The following RANBP2 variants were observed in gnomAD, a reference collection of about 807,000 sequenced individuals.
The protein encoded by RANBP2 is E3 SUMO-protein ligase RanBP2.
A neutral mutation model predicts 303.6 loss-of-function variants in RANBP2; 57 were observed. That is an observed-to-expected ratio of 0.19 (90% CI 0.15 to 0.23). RANBP2 has a LOEUF of 0.23. RANBP2 is among the 10% of genes least tolerant of loss of function. The probability of loss-of-function intolerance (pLI) is 1.00; values close to 1 mark genes in which losing one functional copy is unlikely to be tolerated. For synonymous variants in RANBP2, 1,167 were observed against 1,301.5 expected (o/e 0.90, Z 2.23); for missense variants, 3,138 against 3,780.8 (o/e 0.83, Z 4.46).
At chr2:109,134,103 C>T in the RANBP2 span, among the ~76,000 whole-genome samples, 3 of 152,338 alleles carry the variant, frequency 2.0e-5, no homozygotes, top group East Asian at 5.8e-4. Context: ...GTGCCTGCTG[C>T]ATGCTGGGCA....
At chr2:109,737,208 G>A in the RANBP2 span, 2 of 796,516 alleles carry the variant, frequency 2.5e-6, no homozygotes, top group Non-Finnish European at 4.1e-6. Context: ...TCTCTTTGCT[G>A]TTAGCAACTA....
chr2:109,188,537 C>T, the RANBP2 span, among the ~76,000 whole-genome samples: 5 of 152,320 alleles, frequency 3.3e-5, no homozygotes, highest in South Asian at 6.2e-4. Flanking sequence ...TTCAGAGAAG[C>T]GGCATCCCCC....
At chr2:108,999,150 T>C in the RANBP2 span, among the ~76,000 whole-genome samples, 1 of 152,220 alleles carries the variant, frequency 6.6e-6, no homozygotes, top group African/African-American at 2.4e-5. Context: ...CAAGCTGCAT[T>C]CTCCTGGCTT....
At chr2:109,117,443 G>A in the RANBP2 span, among the ~76,000 whole-genome samples, 12 of 152,244 alleles carry the variant, frequency 7.9e-5, no homozygotes, top group Non-Finnish European at 1.5e-4. Context: ...CGAGCTAGGT[G>A]CAGGATATAA....
the RANBP2 span, among the ~76,000 whole-genome samples, chr2:109,348,954 C>T: frequency 1.3e-5 from 2 of 152,144 alleles, no homozygotes; most frequent in African/African-American, 4.8e-5. Flanking sequence ...TTTTAGATGC[C>T]CAGAAGTTGT....
At chr2:108,917,689 G>A in the RANBP2 span, among the ~76,000 whole-genome samples, 1 of 152,120 alleles carries the variant, frequency 6.6e-6, no homozygotes, top group Non-Finnish European at 1.5e-5. Context: ...ATCCCTGGCT[G>A]CAGGGCTGAC....
chr2:109,364,170 T>G, the RANBP2 span, among the ~76,000 whole-genome samples: 2 of 152,078 alleles, frequency 1.3e-5, no homozygotes, highest in Non-Finnish European at 2.9e-5. Flanking sequence ...TTTTTTTTTT[T>G]TCTAATTTTT....
In RANBP2 at chr2:108,722,473, A is replaced by C. The variant is rs949885749; in HGVS notation, c.72+2795A>C. On this transcript the variant is annotated intron_variant, in intron 1 of 28. Coordinates refer to ENST00000283195, the MANE Select transcript of RANBP2 (RefSeq NM_006267.5). ...TATGAAGAGGTTAGTATTCTCCCCCAGTTTGGCAGAGGCTGGCCATCTGTG... is the reference window on the plus strand; with the variant it reads ...TATGAAGAGGTTAGTATTCTCCCCCCGTTTGGCAGAGGCTGGCCATCTGTG... Among the ~76,000 whole-genome samples the C allele has an allele frequency of 1.8e-3, 279 of 151,686 alleles. 2 individuals are homozygous for C. Among genetic ancestry groups the C allele is most frequent in the African/African-American group, 6.6e-3 (270 of 41,144 alleles).
the RANBP2 span, among the ~76,000 whole-genome samples, chr2:109,139,116 A>G: frequency 6.6e-6 from 1 of 152,224 alleles, no homozygotes; most frequent in Non-Finnish European, 1.5e-5. Flanking sequence ...TGGATAAGCC[A>G]CTGGATTCCT....
chr2:109,149,733 T>TG, the RANBP2 span, among the ~76,000 whole-genome samples: 1 of 152,176 alleles, frequency 6.6e-6, no homozygotes, highest in Non-Finnish European at 1.5e-5. Context: ...ATTGGTGCCA[T>TG]GGGGGCTCTA....
the RANBP2 span, among the ~76,000 whole-genome samples, chr2:109,527,302 T>C: frequency 1.4e-3 from 218 of 152,292 alleles, 1 homozygote; most frequent in Non-Finnish European, 2.0e-3. Context: ...GGAAAACCAG[T>C]TGCTTGCCTA....
the RANBP2 span, chr2:108,876,694 G>A: frequency 6.6e-6 from 1 of 152,016 alleles, no homozygotes; most frequent in African/African-American, 2.4e-5. Context: ...TCTATATACT[G>A]TATCCTAGAT....
At chr2:109,479,411 C>A in the RANBP2 span, among the ~76,000 whole-genome samples, 2 of 152,184 alleles carry the variant, frequency 1.3e-5, no homozygotes, top group Admixed American at 1.3e-4. Flanking sequence ...GCTCTGTGAC[C>A]TATCATTCTT....
In RANBP2 at chr2:108,764,663, G is replaced by T; in HGVS notation, c.4124G>T (p.Cys1375Phe). The T allele has an allele frequency of 4.3e-6, 7 of 1,614,000 alleles. No individual in the cohort carries two copies. Among genetic ancestry groups the T allele is most frequent in the Non-Finnish European group, 5.9e-6 (7 of 1,179,974 alleles). ...TCAACTGCTAAGAAATGTGTATCAT[G>T]CCAAAATCTAAACCCAAGCAATAAA... ...NASTAKKCVS[C>F]QNLNPSNKEL... Residue 1375 changes from cysteine (C) to phenylalanine (F), a missense_variant, in exon 20 of 29, where the codon TGC (cysteine) becomes TTC (phenylalanine). Physicochemically the swap from Cys to Phe is radical, Grantham distance 205 (BLOSUM62 -2). Around this residue, in one of 20 missense-constraint regions of RANBP2, gnomAD observed 388 missense variants for 328.5 expected, o/e 1.18. Coordinates refer to ENST00000283195, the MANE Select transcript of RANBP2 (RefSeq NM_006267.5).
chr2:109,230,901 C>T, the RANBP2 span, among the ~76,000 whole-genome samples: 202 of 152,350 alleles, frequency 1.3e-3, no homozygotes, highest in Non-Finnish European at 1.8e-3. Flanking sequence ...GGGGGCTTCT[C>T]CCATCTCGGC....
the RANBP2 span, among the ~76,000 whole-genome samples, chr2:109,314,789 A>G: frequency 6.6e-6 from 1 of 152,350 alleles, no homozygotes; most frequent in Non-Finnish European, 1.5e-5. Flanking sequence ...TGTTTAATTT[A>G]GGGTGTGACA....
At chr2:108,988,662 C>T in the RANBP2 span, among the ~76,000 whole-genome samples, 1 of 152,116 alleles carries the variant, frequency 6.6e-6, no homozygotes, top group South Asian at 2.1e-4. Context: ...TGGAGGAACC[C>T]GTTGCTTCAG....
the RANBP2 span, among the ~76,000 whole-genome samples, chr2:109,314,084 A>G: frequency 2.2e-4 from 33 of 152,030 alleles, no homozygotes; most frequent in Admixed American, 1.9e-3. Context: ...ACCCGGGGCA[A>G]GTGTGGACTT....
chr2:108,975,183 GCAGTC>G, the RANBP2 span, among the ~76,000 whole-genome samples: 1 of 152,220 alleles, frequency 6.6e-6, no homozygotes, highest in Non-Finnish European at 1.5e-5. Context: ...TCCAGGAGCT[GCAGTC>G]CAGCCTGTGT....
Sources: gnomAD v4.1 joint callset for allele counts (sites outside exome capture counted in the v4.1 genomes callset) on GRCh38, gnomAD v4.1.1 for gene constraint, gnomAD v4.1.1 regional missense constraint, MANE v1.5 for transcripts, NCBI Gene and HGNC (gene_info 2026-07-23, HGNC 2026-07-21) for gene names.